Variants in SLC7A6 observed in about 807,000 individuals in gnomAD.
The protein encoded by SLC7A6 is Y+L amino acid transporter 2.
Under a neutral mutation model 46.6 loss-of-function variants are expected in SLC7A6, and 29 were observed. The observed-to-expected ratio is 0.62, with a 90% CI of 0.46 to 0.85. The LOEUF (loss-of-function observed/expected upper bound fraction) is 0.85, where lower values mean the gene tolerates loss of function less well. Ranked by LOEUF, SLC7A6 falls within the 40% of genes least tolerant of loss-of-function variation. The pLI is 0.00. For synonymous variants in SLC7A6, 276 were observed against 257.3 expected, an observed-to-expected ratio of 1.07 and a Z score of -0.70; for missense variants, 527 against 647.6, an observed-to-expected ratio of 0.81 and a Z score of 2.02.
At chr16:68,266,374 G>T (rs1438802910) in intron 1 of SLC7A6, among the ~76,000 whole-genome samples, 1 of 152,172 alleles carries the variant, frequency 6.6e-6, no homozygotes, top group African/African-American at 2.4e-5. Context: ...GGTTTGGGCT[G>T]GCTACTTCAG....
At chr16:68,285,439 G>A (rs1258599879) in intron 3 of SLC7A6, among the ~76,000 whole-genome samples, 2 of 152,186 alleles carry the variant, frequency 1.3e-5, no homozygotes, top group African/African-American at 4.8e-5. Context: ...CATACAGGTA[G>A]CTTTGATCAT....
At chr16:68,295,330 G>A (rs1332188617) in intron 8 of SLC7A6, among the ~76,000 whole-genome samples, 1 of 152,126 alleles carries the variant, frequency 6.6e-6, no homozygotes, top group Non-Finnish European at 1.5e-5. Context: ...TCGTTTATTT[G>A]TCTTGATGAA....
rs2043243867 is a variant in SLC7A6, at chr16:68,300,103, C to T, written c.*2775C>T. On this transcript the variant is annotated 3_prime_UTR_variant, in exon 11 of 11. Coordinates refer to ENST00000219343, the MANE Select transcript of SLC7A6 (RefSeq NM_003983.6). ...GAGGGTACACCCCTAGCTGAATGTT[C>T]TGTGTTGTTTCCTTAGACCTGTGGT... 1 of 152,232 alleles carries T rather than the reference C, an allele frequency of 6.6e-6. No homozygotes were observed. Among genetic ancestry groups the T allele is most frequent in the African/African-American group, 2.4e-5 (1 of 41,464 alleles). 9.4% of individuals were successfully genotyped at this position (152,232 alleles called of 1,614,324 possible).
chr16:68,265,542 C>G (rs2042515623), intron 1 of SLC7A6: 1 of 152,158 alleles, frequency 6.6e-6, no homozygotes, highest in Non-Finnish European at 1.5e-5. Flanking sequence ...CGGGGCTTGT[C>G]TCTCAGAACT....
chr16:68,274,154 C>T (rs1391607606), intron 2 of SLC7A6, among the ~76,000 whole-genome samples: 1 of 152,186 alleles, frequency 6.6e-6, no homozygotes, highest in Non-Finnish European at 1.5e-5. Flanking sequence ...ATCACCTCCT[C>T]ATGTTCTGTA....
chr16:68,284,728 G>A (rs1330620485), intron 3 of SLC7A6: 1 of 681,750 alleles, frequency 1.5e-6, no homozygotes, highest in Non-Finnish European at 1.8e-6. Flanking sequence ...GCACTGCCAG[G>A]ATATTGTCAG....
chr16:68,284,735 TCAGA>T, intron 3 of SLC7A6: 3 of 614,458 alleles, frequency 4.9e-6, no homozygotes, highest in Non-Finnish European at 6.1e-6. Flanking sequence ...CAGGATATTG[TCAGA>T]CAGTCTCTTT....
intron 10 of SLC7A6, 102 bp downstream of exon 10, chr16:68,296,912 A>C: frequency 7.9e-7 from 1 of 1,264,778 alleles, no homozygotes; most frequent in Non-Finnish European, 1.1e-6. Flanking sequence ...AATTTGCTGG[A>C]GGCCATGTGA....
Position 68,287,447 on chromosome 16 carries a change from C to G in SLC7A6, c.524-299C>G, listed in dbSNP as rs895737532. ...CTGGGTGGGAAAGAGTAGGTGAAAT[C>G]ACCCATCCCTGGGCCTGGGGGGAAT... On this transcript the variant is annotated intron_variant, in intron 3 of 10. Coordinates refer to ENST00000219343, the MANE Select transcript of SLC7A6 (RefSeq NM_003983.6). The G allele has an allele frequency of 3.0e-6, 4 of 1,332,194 alleles. No homozygotes were observed. The African/African-American group carries it at 5.9e-5, about 20-fold the overall frequency. The allele number at this position is 1,332,194 out of a possible 1,614,324, so 82.5% of individuals were successfully genotyped here.
At position 68,274,858 on chromosome 16, in the gene SLC7A6, G is replaced by C; in HGVS notation, c.132G>C (p.Glu44Asp). ...CCGAAACTATGCAGCTGAAGAAGGA[G>C]ATCTCCCTGCTGAATGGGGTCAGCC... Reference protein sequence around the residue: ...RSSETMQLKKEISLLNGVSLV... With the variant: ...RSSETMQLKKDISLLNGVSLV... The change falls in exon 3 of 11, where the codon GAG becomes GAC. Residue 44 changes from glutamate (E) to aspartate (D), a missense_variant. Physicochemically the swap from Glu to Asp is conservative, Grantham distance 45. Transcript: ENST00000219343. 2 of 1,614,234 alleles carry C rather than the reference G, an allele frequency of 1.2e-6. No homozygotes were observed. Among genetic ancestry groups the C allele is most frequent in the Non-Finnish European group, 1.7e-6 (2 of 1,180,040 alleles).
intron 7 of SLC7A6, 108 bp from the exon 8 acceptor site, chr16:68,294,597 C>T: frequency 1.3e-6 from 1 of 776,806 alleles, no homozygotes; most frequent in Non-Finnish European, 2.3e-6. Context: ...TGGGAGGCTG[C>T]ATCCTGCTTT....
At chr16:68,295,702 C>A (rs539663144) in intron 8 of SLC7A6, among the ~76,000 whole-genome samples, 1 of 152,200 alleles carries the variant, frequency 6.6e-6, no homozygotes. Flanking sequence ...ACACATTTGA[C>A]CTTGTCCCAG....
intron 7 of SLC7A6, among the ~76,000 whole-genome samples, chr16:68,293,039 T>G (rs1205833907): frequency 6.6e-6 from 1 of 152,222 alleles, no homozygotes; most frequent in Admixed American, 6.5e-5. Context: ...CGTTCATTCT[T>G]TTTACTGGTT....
At position 68,300,962 on chromosome 16, in the gene SLC7A6, C is replaced by T. The variant is rs2043260754; in HGVS notation, c.*3634C>T. ...CCTCCCTTGTGGTTTCAGCACAGAA[C>T]CTGAATGCCAGGAAAAATTCCTGGG... On this transcript the variant is annotated 3_prime_UTR_variant, in exon 11 of 11. Transcript: ENST00000219343. 2.9e-6 allele frequency: 3 copies of T among 1,023,832 alleles called. No homozygotes were observed. The highest frequency in any genetic ancestry group is 8.6e-5 in the South Asian group (2 of 23,162). 63.4% of individuals were successfully genotyped at this position (1,023,832 alleles called of 1,614,324 possible). A position where few individuals can be genotyped will look rare whatever the true frequency, so the allele number is the denominator to read the frequency against.
rs552744772 is a variant in SLC7A6, at chr16:68,291,416, C to T, written c.918+84C>T. The T allele has an allele frequency of 3.3e-5, 52 of 1,591,750 alleles. No homozygotes were observed. In the South Asian group the frequency reaches 5.8e-4, roughly 18 times the overall value. On this transcript the variant is annotated intron_variant, in intron 6 of 10. Transcript: ENST00000219343. ...AGCTCAGTCTGTCTTACTGCACCCT[C>T]CTCAGCTCTGCAGGATGAGGTCATG... is the stretch of plus-strand genomic sequence containing the variant.
chr16:68,289,373 CAAGT>C (rs1597000335), intron 4 of SLC7A6, among the ~76,000 whole-genome samples: 1 of 152,170 alleles, frequency 6.6e-6, no homozygotes, highest in African/African-American at 2.4e-5. Flanking sequence ...GTACTTATAT[CAAGT>C]TAGTAGAGCT....
chr16:68,267,581 C>T (rs1048880561), intron 2 of SLC7A6, among the ~76,000 whole-genome samples: 2 of 152,054 alleles, frequency 1.3e-5, no homozygotes, highest in African/African-American at 4.8e-5. Flanking sequence ...TTTGATTCAA[C>T]CAGAGGGGGG....
chr16:68,282,818 C>T (rs907803143), intron 3 of SLC7A6, among the ~76,000 whole-genome samples: 5 of 152,134 alleles, frequency 3.3e-5, no homozygotes, highest in African/African-American at 7.2e-5. Context: ...CGGGGTTTCA[C>T]CATACTGGCC....
chr16:68,291,427 C>A, intron 6 of SLC7A6, 95 bp downstream of exon 6: 1 of 1,577,672 alleles, frequency 6.3e-7, no homozygotes, highest in Non-Finnish European at 8.7e-7. Context: ...CTCAGCTCTG[C>A]AGGATGAGGT....
Sources: allele counts gnomAD v4.1 joint callset (sites outside exome capture counted in the v4.1 genomes callset), GRCh38; gene constraint gnomAD v4.1.1; transcripts MANE v1.5; gene names NCBI Gene and HGNC (gene_info 2026-07-23, HGNC 2026-07-21).